The following PCDH15 variants were observed in gnomAD, a reference collection of about 807,000 sequenced individuals.
PCDH15 encodes the protein protocadherin-15.
In PCDH15, 129 loss-of-function variants were observed where a neutral mutation model predicts 178.5. The ratio of observed to expected loss-of-function variants is 0.72; its 90% CI spans 0.63 to 0.84. The LOEUF (loss-of-function observed/expected upper bound fraction) is 0.84, where lower values mean the gene tolerates loss of function less well. Among genes scored for constraint, PCDH15 ranks in the 40% least tolerant of loss-of-function variants. The pLI is 0.00. For synonymous variants in PCDH15, 800 were observed against 732.0 expected, an observed-to-expected ratio of 1.09 and a Z score of -1.50; for missense variants, 2,230 against 2,099.9, an observed-to-expected ratio of 1.06 and a Z score of -1.21.
intron 14 of PCDH15, 30 bp downstream of exon 14, chr10:54,153,068 GAA>G: frequency 6.2e-7 from 1 of 1,612,070 alleles, no homozygotes; most frequent in South Asian, 1.1e-5. Context: ...CGGGCCCGAT[GAA>G]AAGACTGCAT....
intron 2 of PCDH15, among the ~76,000 whole-genome samples, chr10:55,454,811 A>G (rs1028164409): frequency 1.3e-5 from 2 of 151,556 alleles, no homozygotes; most frequent in African/African-American, 2.4e-5. Context: ...ATTTAGCTAG[A>G]TAATCTTTTA....
chr10:54,784,654 A>C (rs1950676180), intron 1 of PCDH15, among the ~76,000 whole-genome samples: 1 of 149,930 alleles, frequency 6.7e-6, no homozygotes, highest in South Asian at 2.1e-4. Context: ...AACATCATGA[A>C]ATCATGCAAA....
rs1428666929 is a variant in PCDH15, at chr10:55,071,017, G to A, written c.-80+95559C>T. Among the ~76,000 whole-genome samples, 13 of 152,158 alleles carry A rather than the reference G, an allele frequency of 8.5e-5. No homozygotes were observed. In the East Asian group the frequency reaches 1.2e-3, roughly 14 times the overall value. ...CAAACTAAGCTTCATAAGTGAAGGA[G>A]AAATAAAATACTTTACAGACAAGCA... is the stretch of plus-strand genomic sequence containing the variant. On this transcript the variant is annotated intron_variant, in intron 2 of 5. Transcript: ENST00000458638.
chr10:54,527,094 G>T (rs1025697336), intron 3 of PCDH15, among the ~76,000 whole-genome samples: 1 of 152,072 alleles, frequency 6.6e-6, no homozygotes, highest in Non-Finnish European at 1.5e-5. Context: ...GTTTAAAATA[G>T]AAACAGAGTC....
At chr10:54,882,701 A>T (rs1352549739) in intron 3 of PCDH15, among the ~76,000 whole-genome samples, 1 of 152,112 alleles carries the variant, frequency 6.6e-6, no homozygotes, top group Non-Finnish European at 1.5e-5. Flanking sequence ...TTCAGTGATT[A>T]TACTTAGTTT....
At chr10:54,312,113 C>T (rs2060947989) in intron 8 of PCDH15, among the ~76,000 whole-genome samples, 1 of 151,998 alleles carries the variant, frequency 6.6e-6, no homozygotes, top group South Asian at 2.1e-4. Context: ...GTTTAGCTGA[C>T]ATTAATGGTT....
chr10:54,563,412 T>A (rs1422043762), intron 2 of PCDH15, among the ~76,000 whole-genome samples: 1 of 149,822 alleles, frequency 6.7e-6, no homozygotes, highest in Admixed American at 6.7e-5. Flanking sequence ...TATCTGGACT[T>A]GCCGGGTATC....
At chr10:55,519,916 T>C (rs578143142) in intron 2 of PCDH15, among the ~76,000 whole-genome samples, 1 of 151,166 alleles carries the variant, frequency 6.6e-6, no homozygotes, top group African/African-American at 2.4e-5. Context: ...TGATATTGAA[T>C]GTTACTTAAC....
chr10:55,414,096 A>T (rs148455112), intron 2 of PCDH15, among the ~76,000 whole-genome samples: 1,818 of 151,772 alleles, frequency 0.012, 46 homozygotes, highest in African/African-American at 0.042. Flanking sequence ...ATCCTAAATA[A>T]TGAACAATGG....
intron 1 of PCDH15, among the ~76,000 whole-genome samples, chr10:54,739,511 C>T (rs1944514863): frequency 6.7e-6 from 1 of 150,034 alleles, no homozygotes; most frequent in African/African-American, 2.5e-5. Context: ...AAGTGATCTA[C>T]AGATTCAATA....
At chr10:55,056,615 T>TATC (rs1239782082) in intron 2 of PCDH15, among the ~76,000 whole-genome samples, 1 of 86,080 alleles carries the variant, frequency 1.2e-5, no homozygotes, top group Non-Finnish European at 2.3e-5. Context: ...TTTGTTTTAT[T>TATC]ATTATTATTA....
intron 1 of PCDH15, among the ~76,000 whole-genome samples, chr10:54,750,094 G>GTCTCTCTT (rs567640060): frequency 2.6e-5 from 4 of 151,864 alleles, no homozygotes; most frequent in Non-Finnish European, 5.9e-5. Context: ...CCCTTGCTCT[G>GTCTCTCTT]TCTCTCTTTC....
intron 1 of PCDH15, among the ~76,000 whole-genome samples, chr10:55,255,691 C>A (rs1258679160): frequency 6.6e-6 from 1 of 152,208 alleles, no homozygotes; most frequent in African/African-American, 2.4e-5. Context: ...ATTTGCATTT[C>A]TCTGATGGCC....
chr10:54,731,563 T>TATATATATATATATATATATATATACAC, intron 1 of PCDH15, among the ~76,000 whole-genome samples: 33 of 49,870 alleles, frequency 6.6e-4, no homozygotes, highest in African/African-American at 1.4e-3. Context: ...TATATATATA[T>TATATATATATATATATATATATATACAC]ACACACACAC....
intron 6 of PCDH15, among the ~76,000 whole-genome samples, chr10:54,337,121 T>C (rs1941334788): frequency 1.3e-5 from 2 of 151,994 alleles, no homozygotes; most frequent in South Asian, 4.1e-4. Flanking sequence ...TATATATATA[T>C]ATATTCATAC....
At chr10:55,130,374 T>C (rs1838007555) in intron 2 of PCDH15, among the ~76,000 whole-genome samples, 1 of 151,984 alleles carries the variant, frequency 6.6e-6, no homozygotes, top group African/African-American at 2.4e-5. Context: ...CTAGGAATAT[T>C]TGAGAAAGGA....
intron 3 of PCDH15, among the ~76,000 whole-genome samples, chr10:54,501,080 G>T (rs539269922): frequency 5.3e-5 from 8 of 152,122 alleles, no homozygotes; most frequent in African/African-American, 1.9e-4. Context: ...ACACAATGGG[G>T]CCTGTCAGGG....
At chr10:54,350,585 A>G (rs1944014854) in intron 5 of PCDH15, among the ~76,000 whole-genome samples, 1 of 152,242 alleles carries the variant, frequency 6.6e-6, no homozygotes, top group Non-Finnish European at 1.5e-5. Context: ...TTATATGGGC[A>G]AACATGGGAG....
Position 53,866,691 on chromosome 10 carries a change from A to G in PCDH15, c.3668T>C (p.Ile1223Thr). 1 of 1,613,670 alleles carries G rather than the reference A, an allele frequency of 6.2e-7. No homozygotes were observed. Among genetic ancestry groups the G allele is most frequent in the South Asian group, 1.1e-5 (1 of 91,076 alleles). ...MRRSYFKFQVIATDDYGKGLS... is the reference protein window; with the variant it reads ...MRRSYFKFQVTATDDYGKGLS... The stretch of plus-strand genomic sequence containing the variant: ...TCCCTTCCCATAGTCGTCAGTTGCA[A>G]TAACTTGAAACTTGAAGTAGGATCT... Residue 1223 changes from isoleucine (I) to threonine (T), a missense_variant, in exon 27 of 38, where the codon ATT becomes ACT. Physicochemically the swap from Ile to Thr is moderately conservative, Grantham distance 89. Transcript: ENST00000644397.
Sources: gnomAD v4.1 joint callset for allele counts (sites outside exome capture counted in the v4.1 genomes callset) on GRCh38, gnomAD v4.1.1 for gene constraint, MANE v1.5 for transcripts, NCBI Gene and HGNC (gene_info 2026-07-23, HGNC 2026-07-21) for gene names.